TMEM117: variants seen among roughly 807,000 people sequenced by gnomAD.
The protein encoded by TMEM117 is transmembrane protein 117.
TMEM117 carries 27 observed loss-of-function variants against 52.4 expected under a neutral mutation model. That is an observed-to-expected ratio of 0.51 (90% confidence interval 0.38 to 0.71). The LOEUF is 0.71. Ranked by LOEUF, TMEM117 falls within the 30% of genes least tolerant of loss-of-function variation. The pLI, the probability that TMEM117 is intolerant of heterozygous loss-of-function variation, is 0.00. For synonymous variants in TMEM117, 215 were observed against 206.3 expected (o/e 1.04, Z -0.36); for missense variants, 556 against 630.5 (o/e 0.88, Z 1.26).
chr12:44,364,816 A>G (rs1214233790), intron 6 of TMEM117, among the ~76,000 whole-genome samples: 3 of 152,132 alleles, frequency 2.0e-5, no homozygotes, highest in Non-Finnish European at 4.4e-5. Flanking sequence ...AAGTTTTACC[A>G]TTTAATGATA....
chr12:44,013,469 C>T (rs1946327335), intron 3 of TMEM117, among the ~76,000 whole-genome samples: 1 of 152,100 alleles, frequency 6.6e-6, no homozygotes, highest in African/African-American at 2.4e-5. Context: ...AGGTTAGGCT[C>T]TGATAAAATT....
At chr12:44,104,913 A>G (rs188056653) in intron 3 of TMEM117, among the ~76,000 whole-genome samples, 1 of 151,922 alleles carries the variant, frequency 6.6e-6, no homozygotes, top group Admixed American at 6.6e-5. Context: ...TTTTTAAAAA[A>G]TATATTTTCT....
At chr12:44,050,649 CAT>C (rs1346303368) in intron 3 of TMEM117, among the ~76,000 whole-genome samples, 1 of 152,198 alleles carries the variant, frequency 6.6e-6, no homozygotes, top group Non-Finnish European at 1.5e-5. Flanking sequence ...ATGAAACAAA[CAT>C]ATGTTGTGGC....
chr12:44,195,218 C>T (rs1019386015), intron 4 of TMEM117, among the ~76,000 whole-genome samples: 1 of 152,134 alleles, frequency 6.6e-6, no homozygotes, highest in Non-Finnish European at 1.5e-5. Flanking sequence ...AGCTTGTTGG[C>T]AGAATTCAGT....
intron 6 of TMEM117, 82 bp downstream of exon 6, chr12:44,299,821 A>G (rs7953992): frequency 0.024 from 34,938 of 1,484,554 alleles, 862 homozygotes; most frequent in African/African-American, 0.12. Context: ...AACAGGCTCC[A>G]TAAATCTAAA....
At chr12:43,891,693 T>C (rs923487359) in intron 2 of TMEM117, among the ~76,000 whole-genome samples, 1 of 152,184 alleles carries the variant, frequency 6.6e-6, no homozygotes, top group Non-Finnish European at 1.5e-5. Context: ...TTTTAAGCTT[T>C]CTAACTGCTT....
intron 2 of TMEM117, among the ~76,000 whole-genome samples, chr12:43,870,459 A>G (rs1345705003): frequency 6.6e-6 from 1 of 151,934 alleles, no homozygotes; most frequent in Non-Finnish European, 1.5e-5. Context: ...GGATTTCACC[A>G]TGTTGGCCAG....
chr12:43,903,145 T>G (rs1005003277), intron 2 of TMEM117, among the ~76,000 whole-genome samples: 9 of 152,200 alleles, frequency 5.9e-5, no homozygotes, highest in African/African-American at 2.2e-4. Context: ...TTGGTGCTAC[T>G]TGATATATAC....
intron 6 of TMEM117, among the ~76,000 whole-genome samples, chr12:44,323,644 A>G (rs1951161411): frequency 6.6e-6 from 1 of 152,194 alleles, no homozygotes; most frequent in African/African-American, 2.4e-5. Flanking sequence ...TGAATTTTAT[A>G]GAGCACCTTT....
At chr12:43,928,066 T>A (rs745394644) in intron 2 of TMEM117, among the ~76,000 whole-genome samples, 1 of 151,996 alleles carries the variant, frequency 6.6e-6, no homozygotes. Flanking sequence ...AGAAATTATG[T>A]ATTAAATATC....
the TMEM117 span, among the ~76,000 whole-genome samples, chr12:43,812,572 G>A: frequency 6.6e-6 from 1 of 152,184 alleles, no homozygotes; most frequent in Non-Finnish European, 1.5e-5. Flanking sequence ...TATCAGGTTA[G>A]CAAAGGTTTC....
At chr12:43,981,111 A>C (rs1009370323) in intron 3 of TMEM117, among the ~76,000 whole-genome samples, 1 of 152,138 alleles carries the variant, frequency 6.6e-6, no homozygotes, top group Non-Finnish European at 1.5e-5. Flanking sequence ...CAAGAAAGTT[A>C]GTGTCTTTCC....
At chr12:44,205,665 G>C (rs1483325284) in intron 4 of TMEM117, among the ~76,000 whole-genome samples, 1 of 151,986 alleles carries the variant, frequency 6.6e-6, no homozygotes, top group African/African-American at 2.4e-5. Flanking sequence ...GAAGAAAAAA[G>C]CTCAACATCA....
intron 3 of TMEM117, among the ~76,000 whole-genome samples, chr12:44,060,667 A>G (rs1947125480): frequency 6.6e-6 from 1 of 152,166 alleles, no homozygotes; most frequent in Non-Finnish European, 1.5e-5. Flanking sequence ...CACAAGATTT[A>G]TTTTTAGACA....
chr12:44,249,821 C>T (rs976469511), intron 5 of TMEM117, among the ~76,000 whole-genome samples: 1 of 152,144 alleles, frequency 6.6e-6, no homozygotes, highest in Non-Finnish European at 1.5e-5. Context: ...CCATTCCTTA[C>T]ACCTTATACA....
intron 3 of TMEM117, among the ~76,000 whole-genome samples, chr12:43,987,487 C>G (rs1945867606): frequency 6.6e-6 from 1 of 150,662 alleles, no homozygotes; most frequent in Non-Finnish European, 1.5e-5. Context: ...CTATGATACT[C>G]ACATTGTCTT....
At chr12:44,230,021 G>A (rs912621361) in intron 5 of TMEM117, among the ~76,000 whole-genome samples, 29 of 152,190 alleles carry the variant, frequency 1.9e-4, no homozygotes, top group South Asian at 6.2e-4. Context: ...TTTCTCACAC[G>A]TTATGTAAAA....
At chr12:44,085,183 T>G (rs1454415610) in intron 3 of TMEM117, among the ~76,000 whole-genome samples, 1 of 152,222 alleles carries the variant, frequency 6.6e-6, no homozygotes, top group Non-Finnish European at 1.5e-5. Flanking sequence ...TTTGTAGTCT[T>G]TGGAGGCCTA....
At chr12:43,822,902 GAAA>G in the TMEM117 span, among the ~76,000 whole-genome samples, 2 of 128,568 alleles carry the variant, frequency 1.6e-5, no homozygotes, top group Non-Finnish European at 1.7e-5. Flanking sequence ...ACCCTGTCTC[GAAA>G]AAAAAAAAAA....
Sources: gnomAD v4.1 joint callset for allele counts (sites outside exome capture counted in the v4.1 genomes callset) on GRCh38, gnomAD v4.1.1 for gene constraint, MANE v1.5 for transcripts, NCBI Gene and HGNC (gene_info 2026-07-23, HGNC 2026-07-21) for gene names.